The following TM9SF2 variants were observed in gnomAD, a reference collection of about 807,000 sequenced individuals.
The protein encoded by TM9SF2 is transmembrane 9 superfamily member 2, also known as 76 kDa membrane protein.
TM9SF2 carries 13 observed loss-of-function variants against 84.9 expected under a neutral mutation model. The ratio of observed to expected loss-of-function variants is 0.15; its 90% CI spans 0.10 to 0.24. TM9SF2 has a LOEUF of 0.24. Among genes scored for constraint, TM9SF2 ranks in the 10% least tolerant of loss-of-function variants. The pLI is 1.00. For synonymous variants in TM9SF2, 273 were observed against 285.8 expected (o/e 0.96, Z 0.45); for missense variants, 562 against 818.5 (o/e 0.69, Z 3.82).
intron 15 of TM9SF2, among the ~76,000 whole-genome samples, chr13:99,558,134 A>AT (rs1286752264): frequency 6.6e-6 from 1 of 152,174 alleles, no homozygotes; most frequent in Non-Finnish European, 1.5e-5. Flanking sequence ...TTGACCATAG[A>AT]TGTATGGGTT....
chr13:99,509,837 A>C (rs1026104447), intron 1 of TM9SF2, among the ~76,000 whole-genome samples: 1 of 152,098 alleles, frequency 6.6e-6, no homozygotes, highest in Admixed American at 6.5e-5. Flanking sequence ...GCCTGCTTGA[A>C]TTTCTCTCCA....
intron 3 of TM9SF2, among the ~76,000 whole-genome samples, chr13:99,525,160 C>T (rs954564915): frequency 6.6e-6 from 1 of 152,206 alleles, no homozygotes; most frequent in Non-Finnish European, 1.5e-5. Context: ...ACATCTACAA[C>T]TGTCTTGAGG....
chr13:99,532,829 A>G (rs889376765), intron 4 of TM9SF2, among the ~76,000 whole-genome samples: 1 of 152,238 alleles, frequency 6.6e-6, no homozygotes, highest in Non-Finnish European at 1.5e-5. Context: ...AATGATTTGT[A>G]ATCAGCATAT....
At chr13:99,505,239 A>T (rs1457857899) in intron 1 of TM9SF2, among the ~76,000 whole-genome samples, 1 of 143,304 alleles carries the variant, frequency 7.0e-6, no homozygotes, top group East Asian at 2.0e-4. Context: ...TGTAACCTCC[A>T]CCTCCTGAGT....
intron 12 of TM9SF2, among the ~76,000 whole-genome samples, chr13:99,551,601 T>C (rs1359841329): frequency 2.6e-5 from 4 of 152,218 alleles, no homozygotes; most frequent in Non-Finnish European, 4.4e-5. Context: ...AGTACAGTGA[T>C]TATTGTATGA....
At chr13:99,508,513 G>A (rs1566562125) in intron 1 of TM9SF2, among the ~76,000 whole-genome samples, 1 of 150,576 alleles carries the variant, frequency 6.6e-6, no homozygotes, top group Non-Finnish European at 1.5e-5. Flanking sequence ...AATATATGCT[G>A]TATTAGGCTG....
chr13:99,555,785 A>G (rs951192315), intron 15 of TM9SF2, 138 bp downstream of exon 15: 4 of 513,792 alleles, frequency 7.8e-6, no homozygotes, highest in African/African-American at 5.8e-5. Flanking sequence ...TCCTAAATCA[A>G]ATGTAACCTT....
intron 10 of TM9SF2, among the ~76,000 whole-genome samples, chr13:99,545,598 C>T (rs944126629): frequency 3.3e-5 from 5 of 151,534 alleles, no homozygotes; most frequent in African/African-American, 9.7e-5. Context: ...GACGGAGCCT[C>T]GCTCTGTCAC....
chr13:99,555,393 T>C, intron 14 of TM9SF2, 143 bp from the exon 15 acceptor site: 3 of 628,794 alleles, frequency 4.8e-6, no homozygotes, highest in Non-Finnish European at 8.4e-6. Flanking sequence ...CCCATCACCA[T>C]CCCAACCTGT....
chr13:99,559,599 T>C (rs2046336509), intron 16 of TM9SF2, 65 bp downstream of exon 16: 1 of 1,419,618 alleles, frequency 7.0e-7, no homozygotes, highest in Admixed American at 2.4e-5. Flanking sequence ...CTTATAAATG[T>C]TTGTCTTTTT....
In TM9SF2 at chr13:99,520,042, T is replaced by G; in HGVS notation, c.246T>G (p.Asp82Glu). ...SVLPYEYTAF[D>E]FCQASEGKRP... is the part of the protein sequence containing the mutation. The stretch of plus-strand genomic sequence containing the variant: ...TTAAATATTCTTCTCCCAGGTTTGA[T>G]TTTTGCCAAGCATCAGAAGGAAAGC... The change falls in exon 3 of 17, where the codon GAT becomes GAG. Residue 82 changes from aspartate to glutamate, a missense_variant. By Grantham distance (45) the Asp-to-Glu change is conservative. Coordinates refer to ENST00000376387, the MANE Select transcript of TM9SF2 (RefSeq NM_004800.3). The G allele has an allele frequency of 6.2e-7, 1 of 1,612,862 alleles. No individual in the cohort carries two copies.
chr13:99,517,700 C>T lies in TM9SF2; in HGVS notation c.239+19C>T. The T allele has an allele frequency of 1.3e-6, 2 of 1,545,564 alleles. No individual in the cohort carries two copies. Among genetic ancestry groups the T allele is most frequent in the Non-Finnish European group, 1.7e-6 (2 of 1,147,780 alleles). ...ACACAGCGTAAGTTTTTCAGCTTGG[C>T]TTTTATATAAAATTTTATGTGACTC... is the stretch of plus-strand genomic sequence containing the variant. On this transcript the variant is annotated intron_variant, in intron 2 of 16. Coordinates refer to ENST00000376387, the MANE Select transcript of TM9SF2 (RefSeq NM_004800.3).
At chr13:99,538,345 A>G (rs953100546) in intron 6 of TM9SF2, among the ~76,000 whole-genome samples, 5 of 152,140 alleles carry the variant, frequency 3.3e-5, no homozygotes, top group African/African-American at 9.6e-5. Flanking sequence ...ACGAACGTAC[A>G]TATCAGTTAT....
chr13:99,519,968 G>T lies in TM9SF2; in HGVS notation c.240-68G>T. 2.1e-6 allele frequency: 3 copies of T among 1,408,938 alleles called. No homozygotes were observed. The South Asian group carries it at 3.6e-5, about 17-fold the overall frequency. 87.3% of individuals were successfully genotyped at this position (1,408,938 alleles called of 1,614,324 possible). A position where few individuals can be genotyped will look rare whatever the true frequency, so the allele number is the denominator to read the frequency against. On this transcript the variant is annotated intron_variant, in intron 2 of 16. Coordinates refer to ENST00000376387, the MANE Select transcript of TM9SF2 (RefSeq NM_004800.3). ...TGATCAGTACCTAATCTGCTCTCAAGATTGGCTAGGTGTTTGATATTTCAT... is the reference window on the plus strand; with the variant it reads ...TGATCAGTACCTAATCTGCTCTCAATATTGGCTAGGTGTTTGATATTTCAT...
At chr13:99,506,255 A>G (rs2139067573) in intron 1 of TM9SF2, among the ~76,000 whole-genome samples, 1 of 152,352 alleles carries the variant, frequency 6.6e-6, no homozygotes, top group Non-Finnish European at 1.5e-5. Flanking sequence ...ATTTGACCAT[A>G]GAAGTAGTTT....
chr13:99,546,538 T>A (rs1411099142), intron 10 of TM9SF2, among the ~76,000 whole-genome samples: 1 of 151,852 alleles, frequency 6.6e-6, no homozygotes, highest in Non-Finnish European at 1.5e-5. Context: ...TATATATGTC[T>A]CTTCTGTTTG....
At chr13:99,540,389 A>T (rs1594056512) in intron 7 of TM9SF2, 8 of 139,306 alleles carry the variant, frequency 5.7e-5, no homozygotes, top group Admixed American at 7.8e-5. Context: ...CCATTCCATT[A>T]TTTTCTTAAA....
At chr13:99,517,024 CT>C (rs1338061078) in intron 1 of TM9SF2, among the ~76,000 whole-genome samples, 21 of 151,988 alleles carry the variant, frequency 1.4e-4, no homozygotes, top group African/African-American at 4.3e-4. Context: ...GTTAAAATAT[CT>C]TATTAATTTT....
intron 10 of TM9SF2, among the ~76,000 whole-genome samples, chr13:99,545,967 G>A (rs1170594070): frequency 1.3e-5 from 2 of 152,218 alleles, no homozygotes; most frequent in African/African-American, 4.8e-5. Flanking sequence ...AAGTTTCAGA[G>A]AGTCTAGGAT....
Sources: gnomAD v4.1 joint callset for allele counts (sites outside exome capture counted in the v4.1 genomes callset) on GRCh38, gnomAD v4.1.1 for gene constraint, MANE v1.5 for transcripts, NCBI Gene and HGNC (gene_info 2026-07-23, HGNC 2026-07-21) for gene names.